KCMF1: variants seen among roughly 807,000 people sequenced by gnomAD.
KCMF1 encodes potassium channel modulatory factor 1, also known as E3 ubiquitin-protein ligase KCMF1.
Under a neutral mutation model 41.1 loss-of-function variants are expected in KCMF1, and 3 were observed. The observed-to-expected ratio is 0.07, with a 90% confidence interval of 0.03 to 0.19. The LOEUF (loss-of-function observed/expected upper bound fraction) is 0.19, where lower values mean the gene tolerates loss of function less well. KCMF1 is among the 10% of genes least tolerant of loss of function. KCMF1 has a pLI of 1.00. For missense variants in KCMF1, 286 were observed against 488.9 expected (o/e 0.58, Z 3.91); for synonymous variants, 142 against 164.5 (o/e 0.86, Z 1.04).
At chr2:85,009,307 C>T (rs1053574320) in intron 1 of KCMF1, among the ~76,000 whole-genome samples, 2 of 152,146 alleles carry the variant, frequency 1.3e-5, no homozygotes, top group African/African-American at 4.8e-5. Context: ...TTTCCTGAGG[C>T]CTCCCAGTCA....
At chr2:85,051,762 T>C (rs1485583416) in intron 6 of KCMF1, among the ~76,000 whole-genome samples, 1 of 152,230 alleles carries the variant, frequency 6.6e-6, no homozygotes, top group East Asian at 1.9e-4. Context: ...TTAATAAGGT[T>C]GCAGAAAGCA....
intron 1 of KCMF1, among the ~76,000 whole-genome samples, chr2:85,010,645 A>T (rs184614576): frequency 3.3e-5 from 5 of 152,266 alleles, no homozygotes; most frequent in Admixed American, 2.0e-4. Flanking sequence ...ATTACATTTA[A>T]ATAGTGACAT....
rs550058684 is a variant in KCMF1, at chr2:85,040,001, A to C, written c.325-3563A>C. On this transcript the variant is annotated intron_variant, in intron 3 of 6. Coordinates refer to ENST00000409785, the MANE Select transcript of KCMF1 (RefSeq NM_020122.5). ...CTAATTTTTTTTGTATTTTTAGTAG[A>C]GATGGGGTTTCACCATGTTGGCCAG... 7.2e-5 allele frequency among the ~76,000 whole-genome samples: 11 copies of C among 152,136 alleles called. 1 individual carries two copies. The East Asian group carries it at 1.9e-3, about 27-fold the overall frequency.
intron 1 of KCMF1, among the ~76,000 whole-genome samples, chr2:85,021,368 A>T (rs1202079619): frequency 2.6e-5 from 4 of 152,240 alleles, no homozygotes; most frequent in Non-Finnish European, 5.9e-5. Flanking sequence ...TCACGCGTGT[A>T]ATCCCAGCAC....
chr2:85,009,404 G>C (rs756931883), intron 1 of KCMF1, among the ~76,000 whole-genome samples: 1 of 152,150 alleles, frequency 6.6e-6, no homozygotes, highest in African/African-American at 2.4e-5. Flanking sequence ...CTTTATACTA[G>C]TGTGAAAATG....
intron 1 of KCMF1, among the ~76,000 whole-genome samples, chr2:84,992,458 G>T (rs1330581981): frequency 6.6e-6 from 1 of 152,054 alleles, no homozygotes; most frequent in Non-Finnish European, 1.5e-5. Flanking sequence ...GTTTCGCCAT[G>T]TTGGCCAGGC....
At chr2:85,017,182 G>A (rs1461879527) in intron 1 of KCMF1, among the ~76,000 whole-genome samples, 3 of 151,746 alleles carry the variant, frequency 2.0e-5, no homozygotes, top group South Asian at 2.1e-4. Flanking sequence ...CCGCCACTGC[G>A]CCCGGCTAAT....
chr2:84,975,115 G>C (rs1215949881), intron 1 of KCMF1, among the ~76,000 whole-genome samples: 1 of 152,092 alleles, frequency 6.6e-6, no homozygotes, highest in Non-Finnish European at 1.5e-5. Context: ...ATAAAAGCTG[G>C]TGGTGGACCG....
At chr2:85,029,731 GA>G (rs1162294847) in intron 2 of KCMF1, among the ~76,000 whole-genome samples, 1 of 146,816 alleles carries the variant, frequency 6.8e-6, no homozygotes, top group East Asian at 2.0e-4. Flanking sequence ...GCCTAGGCTG[GA>G]GTGCAATGGC....
intron 1 of KCMF1, among the ~76,000 whole-genome samples, chr2:84,989,888 C>G (rs183173941): frequency 8.5e-5 from 13 of 152,104 alleles, no homozygotes; most frequent in Non-Finnish European, 1.9e-4. Flanking sequence ...TAAGAGGTGT[C>G]CATTGTTGTA....
chr2:85,050,537 T>C (rs1675781779), intron 6 of KCMF1, among the ~76,000 whole-genome samples: 1 of 152,220 alleles, frequency 6.6e-6, no homozygotes, highest in Admixed American at 6.5e-5. Flanking sequence ...CATGTATTTG[T>C]CTGCCAAAAC....
intron 1 of KCMF1, among the ~76,000 whole-genome samples, chr2:84,997,207 C>T (rs1176579326): frequency 6.6e-6 from 1 of 151,938 alleles, no homozygotes; most frequent in African/African-American, 2.4e-5. Context: ...GTGGTGCTCA[C>T]TTTTTTTTCC....
intron 3 of KCMF1, among the ~76,000 whole-genome samples, chr2:85,038,728 CTG>C (rs953805882): frequency 1.2e-4 from 18 of 152,142 alleles, no homozygotes; most frequent in African/African-American, 4.3e-4. Context: ...TGTGGAAAAA[CTG>C]TTTTAAACCC....
chr2:85,054,076 C>G lies in KCMF1; in HGVS notation c.*667C>G, dbSNP rs1675874124. 1 of 152,214 alleles carries G rather than the reference C, an allele frequency of 6.6e-6. No individual in the cohort carries two copies. The highest frequency in any genetic ancestry group is 6.5e-5 in the Admixed American group (1 of 15,274). 9.4% of individuals were successfully genotyped at this position (152,214 alleles called of 1,614,324 possible). Reference sequence around the variant, plus strand: ...TCATCTTGCCTGTGTGGAGCTCAGCCTGTCTCTTTAACTCATCTGTAGAAG... The same window carrying G: ...TCATCTTGCCTGTGTGGAGCTCAGCGTGTCTCTTTAACTCATCTGTAGAAG... On this transcript the variant is annotated 3_prime_UTR_variant, in exon 7 of 7. Transcript: ENST00000409785.
At chr2:84,994,412 T>C (rs975426464) in intron 1 of KCMF1, among the ~76,000 whole-genome samples, 1 of 151,176 alleles carries the variant, frequency 6.6e-6, no homozygotes, top group Non-Finnish European at 1.5e-5. Flanking sequence ...CAATACTTCT[T>C]TTTTTTTTGA....
chr2:84,997,769 T>TC (rs1442867528), intron 1 of KCMF1, among the ~76,000 whole-genome samples: 2 of 140,398 alleles, frequency 1.4e-5, no homozygotes, highest in Non-Finnish European at 3.1e-5. Flanking sequence ...ATTTTCTTTT[T>TC]TTTTTTTTTT....
chr2:85,024,581 AGAGTGTGT>A (rs1203232020), intron 1 of KCMF1, among the ~76,000 whole-genome samples: 13 of 137,614 alleles, frequency 9.4e-5, no homozygotes, highest in East Asian at 6.6e-4. Flanking sequence ...AGAGAGAGAG[AGAGTGTGT>A]GTGTGTGTGT....
At chr2:84,998,250 C>G (rs1270488913) in intron 1 of KCMF1, among the ~76,000 whole-genome samples, 1 of 151,812 alleles carries the variant, frequency 6.6e-6, no homozygotes, top group Non-Finnish European at 1.5e-5. Flanking sequence ...CGCCACCATG[C>G]CCGGCTGATT....
At chr2:85,049,962 C>T (rs1485868207) in intron 6 of KCMF1, among the ~76,000 whole-genome samples, 2 of 152,082 alleles carry the variant, frequency 1.3e-5, no homozygotes, top group Admixed American at 1.3e-4. Flanking sequence ...AGTTCCAAAC[C>T]ACCCTGGGTA....
Sources: gnomAD v4.1 joint callset for allele counts (sites outside exome capture counted in the v4.1 genomes callset) on GRCh38, gnomAD v4.1.1 for gene constraint, MANE v1.5 for transcripts, NCBI Gene and HGNC (gene_info 2026-07-23, HGNC 2026-07-21) for gene names.